CA10: variants seen among roughly 807,000 people sequenced by gnomAD.
The protein encoded by CA10 is carbonic anhydrase 10 (inactive).
CA10 carries 14 observed loss-of-function variants against 44.2 expected under a neutral mutation model. That is an observed-to-expected ratio of 0.32 (90% confidence interval 0.21 to 0.50). CA10 has a LOEUF of 0.50. Among genes scored for constraint, CA10 ranks in the 20% least tolerant of loss-of-function variants. The probability of loss-of-function intolerance (pLI) is 0.99; values close to 1 mark genes in which losing one functional copy is unlikely to be tolerated. For synonymous variants in CA10, 159 were observed against 141.6 expected, an observed-to-expected ratio of 1.12 and a Z score of -0.87; for missense variants, 350 against 409.7, an observed-to-expected ratio of 0.85 and a Z score of 1.26.
At chr17:51,752,902 G>A (rs1325241437) in intron 3 of CA10, among the ~76,000 whole-genome samples, 1 of 152,180 alleles carries the variant, frequency 6.6e-6, no homozygotes, top group Non-Finnish European at 1.5e-5. Context: ...CTGGGTGACA[G>A]AGTGAGACTG....
chr17:51,794,887 G>T (rs1427275455), intron 3 of CA10, among the ~76,000 whole-genome samples: 3 of 152,108 alleles, frequency 2.0e-5, no homozygotes, highest in Non-Finnish European at 2.9e-5. Context: ...CTTTAAATAG[G>T]GTTTATTGTA....
chr17:52,010,631 G>A (rs1310941086), intron 2 of CA10, among the ~76,000 whole-genome samples: 1 of 151,704 alleles, frequency 6.6e-6, no homozygotes, highest in Non-Finnish European at 1.5e-5. Flanking sequence ...AAAATGTGGG[G>A]GATGGTGAGG....
At chr17:51,938,664 T>C (rs1982958602) in intron 2 of CA10, among the ~76,000 whole-genome samples, 3 of 152,066 alleles carry the variant, frequency 2.0e-5, no homozygotes. Context: ...TTCTTCCTGT[T>C]TGTACTTGGT....
chr17:51,856,010 G>C (rs1236646699), intron 3 of CA10, among the ~76,000 whole-genome samples: 1 of 152,136 alleles, frequency 6.6e-6, no homozygotes, highest in Non-Finnish European at 1.5e-5. Context: ...CAAACAGTAA[G>C]GCTCTTTCAG....
intron 3 of CA10, among the ~76,000 whole-genome samples, chr17:51,772,781 A>G (rs1175928045): frequency 6.6e-6 from 1 of 152,168 alleles, no homozygotes; most frequent in African/African-American, 2.4e-5. Context: ...ATTGAGACTC[A>G]AGTTCAAGTA....
intron 3 of CA10, among the ~76,000 whole-genome samples, chr17:51,852,021 G>A (rs977430917): frequency 1.3e-5 from 2 of 152,080 alleles, no homozygotes; most frequent in Non-Finnish European, 2.9e-5. Context: ...AGTTGAAAGG[G>A]CTTAAAAAAA....
chr17:51,861,204 G>A (rs1979288947), intron 3 of CA10, among the ~76,000 whole-genome samples: 1 of 152,146 alleles, frequency 6.6e-6, no homozygotes, highest in Non-Finnish European at 1.5e-5. Context: ...TCCTAGTAGT[G>A]TCAGCTTAGT....
chr17:51,730,973 T>C (rs1319802899), intron 4 of CA10, among the ~76,000 whole-genome samples: 1 of 152,080 alleles, frequency 6.6e-6, no homozygotes, highest in Admixed American at 6.5e-5. Context: ...AGAGTTGTTA[T>C]AGACCAATCT....
chr17:51,687,101 T>C (rs1160718583), intron 4 of CA10, among the ~76,000 whole-genome samples: 1 of 152,254 alleles, frequency 6.6e-6, no homozygotes, highest in African/African-American at 2.4e-5. Context: ...CTCATTGTCC[T>C]GACTTTTGAA....
At chr17:52,053,555 T>C (rs1232562117) in intron 2 of CA10, among the ~76,000 whole-genome samples, 2 of 152,034 alleles carry the variant, frequency 1.3e-5, no homozygotes, top group East Asian at 3.9e-4. Flanking sequence ...TGTCAAAATT[T>C]AAGAAGGTAA....
chr17:52,108,039 T>A (rs990027828), intron 1 of CA10, among the ~76,000 whole-genome samples: 1 of 151,878 alleles, frequency 6.6e-6, no homozygotes, highest in African/African-American at 2.4e-5. Context: ...AAATAAAACG[T>A]CCTTGCATTT....
chr17:51,874,087 C>T (rs762368318), intron 3 of CA10, among the ~76,000 whole-genome samples: 3 of 152,188 alleles, frequency 2.0e-5, no homozygotes, highest in Non-Finnish European at 2.9e-5. Flanking sequence ...ATCAGCATGA[C>T]TTGTTTTATG....
At chr17:51,636,505 C>T (rs1416111037) in intron 6 of CA10, among the ~76,000 whole-genome samples, 1 of 152,152 alleles carries the variant, frequency 6.6e-6, no homozygotes, top group Non-Finnish European at 1.5e-5. Flanking sequence ...ATTCCTTCCA[C>T]AGGATGGGGC....
At chr17:51,798,588 T>C (rs988912620) in intron 3 of CA10, among the ~76,000 whole-genome samples, 1 of 152,226 alleles carries the variant, frequency 6.6e-6, no homozygotes. Context: ...GTGAAAATGA[T>C]TGATAAAATG....
chr17:52,151,366 C>T (rs1214910981), intron 1 of CA10, among the ~76,000 whole-genome samples: 1 of 152,002 alleles, frequency 6.6e-6, no homozygotes, highest in Non-Finnish European at 1.5e-5. Context: ...CTTCTTTCTC[C>T]CTGTTCTTTT....
At chr17:51,884,299 C>G (rs1484004106) in intron 3 of CA10, among the ~76,000 whole-genome samples, 5 of 152,152 alleles carry the variant, frequency 3.3e-5, no homozygotes, top group Non-Finnish European at 7.3e-5. Flanking sequence ...TTGCTCGCAG[C>G]CCTACATAAG....
At chr17:51,963,511 C>T (rs1334393354) in intron 2 of CA10, among the ~76,000 whole-genome samples, 2 of 152,016 alleles carry the variant, frequency 1.3e-5, no homozygotes, top group Non-Finnish European at 2.9e-5. Flanking sequence ...TCAGAGGTAG[C>T]TAGAGAAAAA....
intron 3 of CA10, among the ~76,000 whole-genome samples, chr17:51,791,218 C>T (rs1906506184): frequency 6.6e-6 from 1 of 152,164 alleles, no homozygotes; most frequent in Admixed American, 6.5e-5. Flanking sequence ...AGACTAAGGT[C>T]TAGGCATTCC....
intron 2 of CA10, among the ~76,000 whole-genome samples, chr17:52,011,222 T>C (rs1300367207): frequency 2.1e-5 from 3 of 140,236 alleles, no homozygotes; most frequent in Non-Finnish European, 3.2e-5. Flanking sequence ...TCCTTTATCA[T>C]AATCATTTAT....
Sources: allele counts gnomAD v4.1 joint callset (sites outside exome capture counted in the v4.1 genomes callset), GRCh38; gene constraint gnomAD v4.1.1; transcripts MANE v1.5; gene names NCBI Gene and HGNC (gene_info 2026-07-23, HGNC 2026-07-21).